Variants in PXDNL observed in about 807,000 individuals in gnomAD.
PXDNL encodes the protein peroxidasin like.
In PXDNL, 145 loss-of-function variants were observed where a neutral mutation model predicts 150.8. The observed-to-expected ratio is 0.96, with a 90% CI of 0.84 to 1.10. PXDNL has a LOEUF of 1.10. Ranked by LOEUF, PXDNL falls within the 50% of genes least tolerant of loss-of-function variation. PXDNL has a pLI of 0.00. For synonymous variants in PXDNL, 757 were observed against 725.7 expected (o/e 1.04, Z -0.69); for missense variants, 2,087 against 1,873.9 (o/e 1.11, Z -2.10).
At chr8:51,604,200 A>T (rs889943086) in intron 2 of PXDNL, among the ~76,000 whole-genome samples, 13 of 152,166 alleles carry the variant, frequency 8.5e-5, no homozygotes, top group African/African-American at 2.7e-4. Flanking sequence ...ACATGCACAC[A>T]TATGTTTATT....
chr8:51,689,841 A>G (rs1191782473), intron 1 of PXDNL, among the ~76,000 whole-genome samples: 2 of 152,224 alleles, frequency 1.3e-5, no homozygotes, highest in Non-Finnish European at 2.9e-5. Context: ...TCACTCAACT[A>G]GCACAGATTT....
intron 1 of PXDNL, among the ~76,000 whole-genome samples, chr8:51,705,257 G>A (rs949466973): frequency 1.3e-5 from 2 of 152,056 alleles, no homozygotes; most frequent in Non-Finnish European, 2.9e-5. Flanking sequence ...CTCTATGTCC[G>A]GGCTCTCTCT....
intron 4 of PXDNL, among the ~76,000 whole-genome samples, chr8:51,532,064 G>A (rs1811918459): frequency 7.2e-6 from 1 of 139,684 alleles, no homozygotes; most frequent in African/African-American, 2.7e-5. Context: ...ATAAATTGAG[G>A]TTGCGGGTCT....
intron 17 of PXDNL, among the ~76,000 whole-genome samples, chr8:51,399,719 C>T (rs745468499): frequency 6.6e-6 from 1 of 152,088 alleles, no homozygotes; most frequent in Non-Finnish European, 1.5e-5. Flanking sequence ...TGCATTGTAC[C>T]ACATGCCACT....
chr8:51,769,538 C>G (rs563963039), intron 1 of PXDNL, among the ~76,000 whole-genome samples: 1 of 152,178 alleles, frequency 6.6e-6, no homozygotes, highest in African/African-American at 2.4e-5. Context: ...CAACTATTAG[C>G]CCCAGTTTCT....
At chr8:51,639,935 A>G (rs1440869511) in intron 2 of PXDNL, among the ~76,000 whole-genome samples, 1 of 152,180 alleles carries the variant, frequency 6.6e-6, no homozygotes, top group Admixed American at 6.5e-5. Context: ...CTTGATGAAC[A>G]TTGACGCAAA....
At chr8:51,716,959 G>A (rs1203092900) in intron 1 of PXDNL, among the ~76,000 whole-genome samples, 5 of 152,028 alleles carry the variant, frequency 3.3e-5, no homozygotes, top group African/African-American at 1.2e-4. Flanking sequence ...GAATGATTTG[G>A]GCTGCAAATA....
At chr8:51,785,792 T>G (rs755529812) in intron 1 of PXDNL, among the ~76,000 whole-genome samples, 1 of 152,226 alleles carries the variant, frequency 6.6e-6, no homozygotes, top group Non-Finnish European at 1.5e-5. Context: ...GACCAACTAA[T>G]AACCCTCCCA....
intron 4 of PXDNL, among the ~76,000 whole-genome samples, chr8:51,509,069 C>T (rs1811352729): frequency 6.6e-6 from 1 of 152,262 alleles, no homozygotes; most frequent in South Asian, 2.1e-4. Flanking sequence ...GTCCCCCACC[C>T]TTGCCAGGCC....
intron 1 of PXDNL, among the ~76,000 whole-genome samples, chr8:51,691,214 T>C (rs1423370675): frequency 2.2e-4 from 34 of 152,332 alleles, no homozygotes; most frequent in African/African-American, 8.2e-4. Flanking sequence ...TTGCCATTGC[T>C]TTTGGTGTTT....
chr8:51,805,158 A>G (rs1194735406), intron 1 of PXDNL, among the ~76,000 whole-genome samples: 3 of 151,952 alleles, frequency 2.0e-5, no homozygotes, highest in Non-Finnish European at 4.4e-5. Context: ...CTTCCCCTCA[A>G]CAATGCCAGG....
At chr8:51,351,668 C>G (rs1806357525) in intron 19 of PXDNL, among the ~76,000 whole-genome samples, 1 of 152,188 alleles carries the variant, frequency 6.6e-6, no homozygotes, top group Non-Finnish European at 1.5e-5. Context: ...ACTCCTGGCA[C>G]AGGTTAGCAG....
intron 3 of PXDNL, among the ~76,000 whole-genome samples, chr8:51,576,033 G>A (rs1813044045): frequency 6.6e-6 from 1 of 150,808 alleles, no homozygotes; most frequent in Non-Finnish European, 1.5e-5. Flanking sequence ...GCAAAAAATA[G>A]AACTGACGAG....
chr8:51,557,918 C>A (rs537806676), intron 3 of PXDNL, among the ~76,000 whole-genome samples: 1 of 152,196 alleles, frequency 6.6e-6, no homozygotes, highest in East Asian at 1.9e-4. Flanking sequence ...CAGTCAGTTT[C>A]TAAAAGTAGC....
intron 1 of PXDNL, among the ~76,000 whole-genome samples, chr8:51,656,078 G>C (rs1436394469): frequency 6.6e-6 from 1 of 152,026 alleles, no homozygotes. Flanking sequence ...AAGTATATCA[G>C]GGAAATTTTA....
intron 2 of PXDNL, among the ~76,000 whole-genome samples, chr8:51,638,516 C>A (rs1249899018): frequency 1.3e-5 from 2 of 151,788 alleles, no homozygotes; most frequent in African/African-American, 4.8e-5. Context: ...ATCTACCAAG[C>A]AAATAGAAAA....
chr8:51,481,783 G>T (rs775031213), intron 6 of PXDNL, among the ~76,000 whole-genome samples: 1 of 152,220 alleles, frequency 6.6e-6, no homozygotes, highest in Non-Finnish European at 1.5e-5. Flanking sequence ...AAGCTTACAT[G>T]TGGTGTTGGG....
chr8:51,630,053 G>A (rs1585632429), intron 2 of PXDNL, among the ~76,000 whole-genome samples: 1 of 152,088 alleles, frequency 6.6e-6, no homozygotes, highest in Non-Finnish European at 1.5e-5. Flanking sequence ...CAAGGCTATA[G>A]TAATCAAAAC....
chr8:51,704,287 G>A lies in PXDNL; in HGVS notation c.165-49527C>T, dbSNP rs190506284. On this transcript the variant is annotated intron_variant, in intron 1 of 22. Transcript: ENST00000356297. ...TTGCTTTTTTAACTGATGTTTTCAG[G>A]AGTCATTTATGTGGATGTGTGTAGT... 9.9e-4 allele frequency among the ~76,000 whole-genome samples: 151 copies of A among 152,264 alleles called. 1 individual carries two copies. Among genetic ancestry groups the A allele is most frequent in the Middle Eastern group, 6.8e-3 (2 of 294 alleles).
Sources: allele counts gnomAD v4.1 joint callset (sites outside exome capture counted in the v4.1 genomes callset), GRCh38; gene constraint gnomAD v4.1.1; transcripts MANE v1.5; gene names NCBI Gene and HGNC (gene_info 2026-07-23, HGNC 2026-07-21).